Variants in ETV1 observed in about 807,000 individuals in gnomAD.
ETV1 encodes ETS translocation variant 1.
ETV1 carries 27 observed loss-of-function variants against 62.3 expected under a neutral mutation model. The ratio of observed to expected loss-of-function variants is 0.43; its 90% CI spans 0.32 to 0.60. The LOEUF (loss-of-function observed/expected upper bound fraction) is 0.60. Among genes scored for constraint, ETV1 ranks in the 20% least tolerant of loss-of-function variants. The pLI, the probability that ETV1 is intolerant of heterozygous loss-of-function variation, is 0.06. For missense variants in ETV1, 605 were observed against 605.8 expected (o/e 1.00, Z 0.01); for synonymous variants, 222 against 199.6 (o/e 1.11, Z -0.94).
At position 13,891,516 on chromosome 7, in the gene ETV1, A is replaced by G; in HGVS notation, c.*4350T>C. On this transcript the variant is annotated 3_prime_UTR_variant, in exon 14 of 14. Transcript: ENST00000430479. ...ATTCTGAAATCATTAATATTTCTATAAAGATATCCACTTAGTCTAATCAAA... is the reference window on the plus strand; with the variant it reads ...ATTCTGAAATCATTAATATTTCTATGAAGATATCCACTTAGTCTAATCAAA... 1 of 231,878 alleles carries G rather than the reference A, an allele frequency of 4.3e-6. No homozygotes were observed. Among genetic ancestry groups the G allele is most frequent in the Non-Finnish European group, 8.5e-6 (1 of 117,262 alleles). 14.4% of individuals were successfully genotyped at this position (231,878 alleles called of 1,614,324 possible).
intron 6 of ETV1, among the ~76,000 whole-genome samples, chr7:13,953,377 C>A (rs925540542): frequency 6.6e-6 from 1 of 152,162 alleles, no homozygotes; most frequent in East Asian, 1.9e-4. Context: ...GTAATAGGGA[C>A]ACTCTTTAAG....
In ETV1 at chr7:13,969,391, A is replaced by T. The variant is rs554689924; in HGVS notation, c.235+8036T>A. On this transcript the variant is annotated intron_variant, in intron 6 of 13. Coordinates refer to ENST00000430479, the MANE Select transcript of ETV1 (RefSeq NM_004956.5). ...AAAATAAGATGACAATATATTACTT[A>T]AATAATATTTTCCAGAAACTGATTG... Among the ~76,000 whole-genome samples, 252 of 152,342 alleles carry T rather than the reference A, an allele frequency of 1.7e-3. 1 individual carries two copies. Among genetic ancestry groups the T allele is most frequent in the African/African-American group, 5.9e-3 (245 of 41,590 alleles).
chr7:13,956,738 T>C (rs1381743763), intron 6 of ETV1, among the ~76,000 whole-genome samples: 1 of 152,194 alleles, frequency 6.6e-6, no homozygotes, highest in Non-Finnish European at 1.5e-5. Flanking sequence ...ACATATCAAA[T>C]CATACTAATC....
At chr7:13,926,050 A>G (rs988582205) in intron 9 of ETV1, among the ~76,000 whole-genome samples, 1 of 152,176 alleles carries the variant, frequency 6.6e-6, no homozygotes, top group Non-Finnish European at 1.5e-5. Flanking sequence ...TTAAAAACTC[A>G]GTAGTCTCAT....
At chr7:13,973,249 A>C (rs1781080849) in intron 6 of ETV1, among the ~76,000 whole-genome samples, 1 of 152,220 alleles carries the variant, frequency 6.6e-6, no homozygotes, top group African/African-American at 2.4e-5. Context: ...GCTAAGGCAG[A>C]AGCATCTGAT....
Position 13,931,719 on chromosome 7 carries a change from G to A in ETV1, c.585C>T (p.Asn195=), listed in dbSNP as rs1261775039. The A allele has an allele frequency of 6.2e-7, 1 of 1,613,902 alleles. No homozygotes were observed. The highest frequency in any genetic ancestry group is 8.5e-7 in the Non-Finnish European group (1 of 1,179,890). ...RFRRQLSEPC[N]SFPPLPTMPR... ...GCATCGTCGGCAAAGGAGGAAAGGA[G>A]TTACAGGGTTCAGAAAGCTGGCGGC... is the stretch of plus-strand genomic sequence containing the variant. Residue 195 remains asparagine, a synonymous_variant, in exon 9 of 14, where the codon AAC becomes AAT. Coordinates refer to ENST00000430479, the MANE Select transcript of ETV1 (RefSeq NM_004956.5).
intron 6 of ETV1, among the ~76,000 whole-genome samples, chr7:13,956,606 G>A (rs962296189): frequency 6.6e-6 from 1 of 152,224 alleles, no homozygotes; most frequent in African/African-American, 2.4e-5. Flanking sequence ...GCGTAACTAG[G>A]TAGCAGTGGT....
chr7:13,986,124 C>T, intron 5 of ETV1: 1 of 1,587,936 alleles, frequency 6.3e-7, no homozygotes, highest in Non-Finnish European at 8.6e-7. Flanking sequence ...ACCTAACGTT[C>T]TGTGTTGTGA....
At chr7:13,917,249 T>C (rs975533049) in intron 9 of ETV1, among the ~76,000 whole-genome samples, 1 of 151,954 alleles carries the variant, frequency 6.6e-6, no homozygotes, top group Non-Finnish European at 1.5e-5. Context: ...TAAAATAAAG[T>C]TGAAGTGATA....
chr7:13,914,021 C>T (rs1318381913), intron 9 of ETV1, among the ~76,000 whole-genome samples: 2 of 151,416 alleles, frequency 1.3e-5, no homozygotes, highest in African/African-American at 4.8e-5. Context: ...GTAGCTGGGA[C>T]TACAGGCTCC....
At chr7:13,942,903 C>G (rs1416949607) in intron 6 of ETV1, among the ~76,000 whole-genome samples, 1 of 151,988 alleles carries the variant, frequency 6.6e-6, no homozygotes, top group African/African-American at 2.4e-5. Flanking sequence ...TATTTTAAGT[C>G]TTGAGTACCA....
At chr7:13,969,954 T>C (rs899945035) in intron 6 of ETV1, among the ~76,000 whole-genome samples, 1 of 151,992 alleles carries the variant, frequency 6.6e-6, no homozygotes, top group Admixed American at 6.6e-5. Context: ...CATAAACTGC[T>C]TTGACAAAAT....
intron 3 of ETV1, 111 bp downstream of exon 3, chr7:13,988,897 A>G (rs1207789052): frequency 2.7e-5 from 42 of 1,538,192 alleles, no homozygotes; most frequent in South Asian, 4.6e-5. Flanking sequence ...AACAAAGCAG[A>G]TAAGTATCTG....
intron 6 of ETV1, among the ~76,000 whole-genome samples, chr7:13,943,172 C>T (rs530938198): frequency 7.2e-4 from 109 of 152,224 alleles, no homozygotes; most frequent in Non-Finnish European, 1.3e-3. Flanking sequence ...AGTCTTGAAA[C>T]AGGCCAGTAG....
At chr7:13,970,961 ATTTAT>A (rs2128493311) in intron 6 of ETV1, among the ~76,000 whole-genome samples, 1 of 151,062 alleles carries the variant, frequency 6.6e-6, no homozygotes, top group African/African-American at 2.4e-5. Context: ...TCTTTCTTTT[ATTTAT>A]TTTATTTTAT....
intron 11 of ETV1, among the ~76,000 whole-genome samples, chr7:13,906,899 A>T (rs1206643754): frequency 2.0e-5 from 3 of 150,934 alleles, no homozygotes; most frequent in Admixed American, 6.6e-5. Flanking sequence ...CTTTTTTTTT[A>T]AATTGATTTC....
At chr7:13,957,608 T>C (rs1789636737) in intron 6 of ETV1, among the ~76,000 whole-genome samples, 2 of 152,236 alleles carry the variant, frequency 1.3e-5, no homozygotes, top group African/African-American at 4.8e-5. Context: ...TATTTCTGTC[T>C]TATTTTATTT....
chr7:13,914,211 T>C (rs567536079), intron 9 of ETV1, among the ~76,000 whole-genome samples: 2 of 152,210 alleles, frequency 1.3e-5, no homozygotes, highest in East Asian at 3.9e-4. Context: ...AGCTTCTTTT[T>C]ACAGTATTAC....
At chr7:13,936,144 A>C (rs17167675) in intron 7 of ETV1, among the ~76,000 whole-genome samples, 1 of 152,030 alleles carries the variant, frequency 6.6e-6, no homozygotes, top group Non-Finnish European at 1.5e-5. Flanking sequence ...TTTTTAATGC[A>C]TATACAAACA....
Sources: allele counts gnomAD v4.1 joint callset (sites outside exome capture counted in the v4.1 genomes callset), GRCh38; gene constraint gnomAD v4.1.1; transcripts MANE v1.5; gene names NCBI Gene and HGNC (gene_info 2026-07-23, HGNC 2026-07-21).